ROBO2: variants seen among roughly 807,000 people sequenced by gnomAD.
ROBO2 encodes the protein roundabout homolog 2.
Under a neutral mutation model 160.8 loss-of-function variants are expected in ROBO2, and 53 were observed. That is an observed-to-expected ratio of 0.33 (90% CI 0.26 to 0.41). The LOEUF (loss-of-function observed/expected upper bound fraction) is 0.41, where lower values mean the gene tolerates loss of function less well. Ranked by LOEUF, ROBO2 falls within the 10% of genes least tolerant of loss-of-function variation. ROBO2 has a pLI of 1.00. For missense variants in ROBO2, 1,577 were observed against 1,722.4 expected (o/e 0.92, Z 1.49); for synonymous variants, 664 against 611.7 (o/e 1.09, Z -1.26).
chr3:77,522,629 G>C, intron 5 of ROBO2, 146 bp from the exon 6 acceptor site: 1 of 764,590 alleles, frequency 1.3e-6, no homozygotes, highest in African/African-American at 1.8e-5. Flanking sequence ...TTTAATCTAA[G>C]TAATTGCACT....
Position 77,574,371 on chromosome 3 carries a change from G to C in ROBO2, c.1972-128G>C, listed in dbSNP as rs189819099. 8.1e-4 allele frequency: 617 copies of C among 764,994 alleles called. 4 individuals are homozygous for C. The African/African-American group carries it at 9.7e-3, about 12-fold the overall frequency. The allele number at this position is 764,994 out of a possible 1,614,324, so 47.4% of individuals were successfully genotyped here. A position where few individuals can be genotyped will look rare whatever the true frequency, so the allele number is the denominator to read the frequency against. ...TTATTAGAAGCAGAGAGATTAGCTA[G>C]AAAGTCATGACATCACTCAGTTGAT... On this transcript the variant is annotated intron_variant, in intron 13 of 25. Transcript: ENST00000461745.
chr3:76,528,211 GA>G (rs1464012314), intron 2 of ROBO2, among the ~76,000 whole-genome samples: 1 of 152,098 alleles, frequency 6.6e-6, no homozygotes, highest in Non-Finnish European at 1.5e-5. Flanking sequence ...CACAATTAAT[GA>G]GAAACTTTTG....
At chr3:76,995,893 C>G (rs1380873121) in intron 2 of ROBO2, among the ~76,000 whole-genome samples, 4 of 152,044 alleles carry the variant, frequency 2.6e-5, no homozygotes, top group Non-Finnish European at 5.9e-5. Context: ...TTCTCCCATT[C>G]TGTAGGTTGC....
At chr3:76,564,573 G>C (rs1296007363) in intron 2 of ROBO2, among the ~76,000 whole-genome samples, 2 of 152,192 alleles carry the variant, frequency 1.3e-5, no homozygotes, top group Non-Finnish European at 2.9e-5. Context: ...CAGTCAGAGA[G>C]CAGGAAGTCA....
chr3:76,262,044 C>T (rs1274839204), intron 2 of ROBO2, among the ~76,000 whole-genome samples: 3 of 151,968 alleles, frequency 2.0e-5, no homozygotes, highest in African/African-American at 7.2e-5. Context: ...ATTTAGAAGC[C>T]TGTCACGTGG....
intron 2 of ROBO2, among the ~76,000 whole-genome samples, chr3:77,301,909 T>G (rs533216261): frequency 1.3e-5 from 2 of 152,122 alleles, no homozygotes; most frequent in African/African-American, 4.8e-5. Flanking sequence ...AAGTTATTTC[T>G]TTCTTTTTTA....
chr3:76,372,031 T>C (rs2076128472), intron 2 of ROBO2, among the ~76,000 whole-genome samples: 1 of 151,912 alleles, frequency 6.6e-6, no homozygotes, highest in African/African-American at 2.4e-5. Flanking sequence ...CATAGTTAAG[T>C]AACTGGCATC....
intron 2 of ROBO2, among the ~76,000 whole-genome samples, chr3:76,823,854 A>G (rs1183647508): frequency 6.6e-6 from 1 of 152,214 alleles, no homozygotes; most frequent in Non-Finnish European, 1.5e-5. Flanking sequence ...ATGGAGGCAT[A>G]AGAAAAAAGA....
chr3:77,366,634 C>T (rs2070914317), intron 2 of ROBO2, among the ~76,000 whole-genome samples: 1 of 152,054 alleles, frequency 6.6e-6, no homozygotes, highest in Admixed American at 6.6e-5. Flanking sequence ...TGATTTGGCT[C>T]ATAGTTCTGA....
chr3:76,943,660 T>C (rs1357475539), intron 2 of ROBO2, among the ~76,000 whole-genome samples: 2 of 152,232 alleles, frequency 1.3e-5, no homozygotes, highest in Non-Finnish European at 2.9e-5. Flanking sequence ...TATAGTCCTA[T>C]TACCAGAAGG....
At chr3:76,204,134 G>T (rs1191856094) in intron 2 of ROBO2, among the ~76,000 whole-genome samples, 1 of 152,090 alleles carries the variant, frequency 6.6e-6, no homozygotes, top group Non-Finnish European at 1.5e-5. Flanking sequence ...GCACCCATTT[G>T]TTACTTTAAA....
intron 2 of ROBO2, among the ~76,000 whole-genome samples, chr3:77,393,999 G>C (rs1434112009): frequency 2.6e-5 from 4 of 152,132 alleles, no homozygotes; most frequent in African/African-American, 9.7e-5. Flanking sequence ...AACAGATTTT[G>C]TTTTTATGTG....
At chr3:76,937,278 C>T (rs1399913027) in intron 2 of ROBO2, among the ~76,000 whole-genome samples, 2 of 152,108 alleles carry the variant, frequency 1.3e-5, no homozygotes, top group African/African-American at 2.4e-5. Context: ...AGATCTGTGG[C>T]ATGCTATGCT....
At chr3:76,669,043 G>A (rs1439371903) in intron 2 of ROBO2, among the ~76,000 whole-genome samples, 1 of 152,032 alleles carries the variant, frequency 6.6e-6, no homozygotes, top group Non-Finnish European at 1.5e-5. Context: ...CTCTCAAGAA[G>A]ATATTGTACT....
chr3:76,716,447 TTAAAAAA>T (rs2093380562), intron 2 of ROBO2, among the ~76,000 whole-genome samples: 3 of 152,232 alleles, frequency 2.0e-5, no homozygotes, highest in Non-Finnish European at 2.9e-5. Context: ...TATTTGGCTA[TTAAAAAA>T]TCTCTGCCCT....
At chr3:76,742,773 AACAC>A (rs1477947940) in intron 2 of ROBO2, among the ~76,000 whole-genome samples, 2 of 151,748 alleles carry the variant, frequency 1.3e-5, no homozygotes, top group East Asian at 3.9e-4. Context: ...TATGATTAGG[AACAC>A]ACACACCCAC....
chr3:76,692,334 C>G (rs1340078370), intron 2 of ROBO2, among the ~76,000 whole-genome samples: 1 of 152,088 alleles, frequency 6.6e-6, no homozygotes, highest in African/African-American at 2.4e-5. Flanking sequence ...GGATTAACCC[C>G]AAAACCTAAA....
chr3:76,566,664 T>G (rs2084545209), intron 2 of ROBO2, among the ~76,000 whole-genome samples: 1 of 152,096 alleles, frequency 6.6e-6, no homozygotes, highest in Admixed American at 6.5e-5. Context: ...TAGTCATTAA[T>G]GTTTACAACT....
rs569517917 is a variant in ROBO2, at chr3:77,244,776, G to T, written c.388+146436G>T. Reference sequence around the variant, plus strand: ...ACCTGCAGTCCCAGCTACTCGGGAGGCTGAGGCAGGGGAATCGCTTGAACC... The same window carrying T: ...ACCTGCAGTCCCAGCTACTCGGGAGTCTGAGGCAGGGGAATCGCTTGAACC... On this transcript the variant is annotated intron_variant, in intron 2 of 25. Coordinates refer to ENST00000461745, the Ensembl canonical transcript of ROBO2. Among the ~76,000 whole-genome samples, 6 of 151,682 alleles carry T rather than the reference G, an allele frequency of 4.0e-5. No individual in the cohort carries two copies. The East Asian group carries it at 1.2e-3, about 29-fold the overall frequency.
Sources: gnomAD v4.1 joint callset for allele counts (sites outside exome capture counted in the v4.1 genomes callset) on GRCh38, gnomAD v4.1.1 for gene constraint, MANE v1.5 for transcripts, NCBI Gene and HGNC (gene_info 2026-07-23, HGNC 2026-07-21) for gene names.